RBFOX1: variants seen among roughly 807,000 people sequenced by gnomAD.
The protein encoded by RBFOX1 is RNA binding fox-1 homolog 1, also known as RNA binding protein fox-1 homolog 1.
Under a neutral mutation model 57.7 loss-of-function variants are expected in RBFOX1, and 8 were observed. The observed-to-expected ratio is 0.14, with a 90% CI of 0.08 to 0.25. The LOEUF (loss-of-function observed/expected upper bound fraction) is 0.25. Ranked by LOEUF, RBFOX1 falls within the 10% of genes least tolerant of loss-of-function variation. RBFOX1 has a pLI of 1.00. For missense variants in RBFOX1, 611 were observed against 548.5 expected (o/e 1.11, Z -1.14); for synonymous variants, 326 against 222.4 (o/e 1.47, Z -4.15).
At chr16:6,406,267 C>A (rs1203380651) in intron 2 of RBFOX1, among the ~76,000 whole-genome samples, 1 of 152,166 alleles carries the variant, frequency 6.6e-6, no homozygotes, top group East Asian at 1.9e-4. Flanking sequence ...AATGCAGCCT[C>A]CTGTCATCTG....
intron 2 of RBFOX1, among the ~76,000 whole-genome samples, chr16:6,347,248 T>A (rs894724117): frequency 2.0e-5 from 3 of 152,142 alleles, no homozygotes; most frequent in Non-Finnish European, 4.4e-5. Context: ...AGGGAAGTCA[T>A]GGTAATGTAG....
intron 1 of RBFOX1, among the ~76,000 whole-genome samples, chr16:5,403,810 A>T (rs551585497): frequency 6.6e-6 from 1 of 152,142 alleles, no homozygotes; most frequent in Non-Finnish European, 1.5e-5. Context: ...CTATTCAGTG[A>T]TTTCCTGCCT....
At chr16:7,309,170 G>A (rs1008830021) in intron 4 of RBFOX1, among the ~76,000 whole-genome samples, 5 of 152,192 alleles carry the variant, frequency 3.3e-5, no homozygotes, top group African/African-American at 9.7e-5. Context: ...GTCTTACGTC[G>A]TAAATTGGTT....
At chr16:7,183,564 G>A (rs1418173887) in intron 4 of RBFOX1, among the ~76,000 whole-genome samples, 1 of 152,096 alleles carries the variant, frequency 6.6e-6, no homozygotes, top group Non-Finnish European at 1.5e-5. Flanking sequence ...GTGTGCTTAA[G>A]TGTGCTTGCA....
intron 1 of RBFOX1, among the ~76,000 whole-genome samples, chr16:6,088,295 A>T (rs80355298): frequency 0.043 from 6,478 of 152,122 alleles, 364 homozygotes; most frequent in African/African-American, 0.13. Flanking sequence ...CATGTTGTCA[A>T]TAAGGGTATT....
chr16:5,296,289 C>A (rs373645202), intron 1 of RBFOX1, among the ~76,000 whole-genome samples: 1 of 152,180 alleles, frequency 6.6e-6, no homozygotes, highest in African/African-American at 2.4e-5. Flanking sequence ...TTCGGGTGGC[C>A]TCTCATGACT....
At chr16:6,009,687 A>T (rs2343583) in intron 4 of RBFOX1, among the ~76,000 whole-genome samples, 6,245 of 152,078 alleles carry the variant, frequency 0.041, 456 homozygotes, top group African/African-American at 0.14. Context: ...AATCACGTTA[A>T]ATCCCTCCTC....
intron 4 of RBFOX1, among the ~76,000 whole-genome samples, chr16:5,985,423 A>C (rs535001733): frequency 5.9e-5 from 9 of 152,146 alleles, no homozygotes; most frequent in Admixed American, 5.2e-4. Context: ...AATAGTTGCT[A>C]TTATGATTCC....
At chr16:6,584,496 TTGC>T (rs1405320976) in intron 2 of RBFOX1, among the ~76,000 whole-genome samples, 2 of 151,802 alleles carry the variant, frequency 1.3e-5, no homozygotes, top group African/African-American at 4.8e-5. Context: ...GCCTCCCAAG[TTGC>T]TGGGATTACT....
intron 3 of RBFOX1, among the ~76,000 whole-genome samples, chr16:6,968,740 C>T (rs1403431105): frequency 1.3e-5 from 2 of 152,140 alleles, no homozygotes; most frequent in Non-Finnish European, 2.9e-5. Context: ...CATCTCCCTC[C>T]TCTCCCTCCT....
At chr16:6,415,053 G>A (rs1048012716) in intron 2 of RBFOX1, among the ~76,000 whole-genome samples, 1 of 151,884 alleles carries the variant, frequency 6.6e-6, no homozygotes, top group African/African-American at 2.4e-5. Context: ...GACCAGCCTG[G>A]CCAACATGAT....
intron 13 of RBFOX1, among the ~76,000 whole-genome samples, chr16:7,667,335 A>G (rs1426465252): frequency 6.6e-6 from 1 of 152,214 alleles, no homozygotes; most frequent in Non-Finnish European, 1.5e-5. Context: ...CATAAGTTTA[A>G]GAAATATAAA....
intron 15 of RBFOX1, chr16:7,710,101 A>C (rs1598707778): frequency 9.9e-7 from 1 of 1,005,134 alleles, no homozygotes; most frequent in Admixed American, 6.0e-5. Context: ...GCACAAGCTT[A>C]ATTACATCAA....
rs970379452 is a variant in RBFOX1, at chr16:5,334,212, C to A, written c.219+94107C>A. 3.1e-4 allele frequency among the ~76,000 whole-genome samples: 47 copies of A among 152,126 alleles called. 1 individual carries two copies. Among genetic ancestry groups the A allele is most frequent in the Non-Finnish European group, 2.9e-5 (2 of 68,026 alleles). ...GGATATCTTGGGGCTGACATCTCTC[C>A]GGCCAGAGGAGAGGTTATCTCAGGG... On this transcript the variant is annotated intron_variant, in intron 1 of 2. Transcript: ENST00000585867.
intron 1 of RBFOX1, among the ~76,000 whole-genome samples, chr16:5,292,903 G>T (rs1209368940): frequency 6.6e-6 from 1 of 152,106 alleles, no homozygotes; most frequent in Non-Finnish European, 1.5e-5. Flanking sequence ...GATTACACGT[G>T]TGAGCCACTG....
intron 1 of RBFOX1, among the ~76,000 whole-genome samples, chr16:6,212,898 C>T (rs1016149732): frequency 8.6e-5 from 13 of 152,026 alleles, no homozygotes; most frequent in Admixed American, 2.6e-4. Flanking sequence ...CTGTTATTAA[C>T]GAAGAATTGA....
At chr16:5,881,741 T>G (rs2057769204) in intron 4 of RBFOX1, among the ~76,000 whole-genome samples, 1 of 152,154 alleles carries the variant, frequency 6.6e-6, no homozygotes, top group Non-Finnish European at 1.5e-5. Flanking sequence ...TTCCCCCCAA[T>G]GCTAGGTGGT....
intron 3 of RBFOX1, among the ~76,000 whole-genome samples, chr16:6,815,605 A>G (rs2089898335): frequency 6.6e-6 from 1 of 152,166 alleles, no homozygotes; most frequent in South Asian, 2.1e-4. Context: ...CATTTTACCA[A>G]TGAGTAAACT....
At chr16:5,347,655 C>T (rs1326382448) in intron 1 of RBFOX1, among the ~76,000 whole-genome samples, 2 of 145,502 alleles carry the variant, frequency 1.4e-5, no homozygotes, top group Non-Finnish European at 3.0e-5. Flanking sequence ...TACCCATCTA[C>T]CCATCCACCC....
Sources: gnomAD v4.1 joint callset for allele counts (sites outside exome capture counted in the v4.1 genomes callset) on GRCh38, gnomAD v4.1.1 for gene constraint, MANE v1.5 for transcripts, NCBI Gene and HGNC (gene_info 2026-07-23, HGNC 2026-07-21) for gene names.